The following LRRIQ1 variants were observed in gnomAD, a reference collection of about 807,000 sequenced individuals.
LRRIQ1 encodes the protein leucine-rich repeat- and IQ domain-containing protein 1.
LRRIQ1 carries 210 observed loss-of-function variants against 211.9 expected under a neutral mutation model. The observed-to-expected ratio is 0.99, with a 90% CI of 0.89 to 1.11. The LOEUF is 1.11. LRRIQ1 is among the 50% of genes most tolerant of loss of function. The probability of loss-of-function intolerance (pLI) is 0.00; values close to 1 mark genes in which losing one functional copy is unlikely to be tolerated. For synonymous variants in LRRIQ1, 699 were observed against 650.1 expected (o/e 1.08, Z -1.14); for missense variants, 2,136 against 1,939.5 (o/e 1.10, Z -1.90).
chr12:85,103,210 TAAC>T (rs1449615346), intron 13 of LRRIQ1, among the ~76,000 whole-genome samples: 1 of 150,690 alleles, frequency 6.6e-6, no homozygotes, highest in Non-Finnish European at 1.5e-5. Flanking sequence ...GGGTTTTCGA[TAAC>T]AATTATAACT....
intron 8 of LRRIQ1, among the ~76,000 whole-genome samples, chr12:85,059,452 A>G (rs1413343016): frequency 6.6e-6 from 1 of 152,040 alleles, no homozygotes; most frequent in Non-Finnish European, 1.5e-5. Context: ...CCTCATGATC[A>G]TGTGACTGAC....
intron 24 of LRRIQ1, among the ~76,000 whole-genome samples, chr12:85,174,964 G>T (rs1479445494): frequency 1.3e-5 from 2 of 152,006 alleles, no homozygotes; most frequent in African/African-American, 2.4e-5. Context: ...CAGATCTCTT[G>T]CAATGGGTCA....
chr12:85,193,726 T>C (rs1019058588), intron 24 of LRRIQ1, among the ~76,000 whole-genome samples: 1 of 151,348 alleles, frequency 6.6e-6, no homozygotes, highest in African/African-American at 2.4e-5. Context: ...TCATGCCAAA[T>C]TGTAAAGACC....
downstream of LRRIQ1, among the ~76,000 whole-genome samples, chr12:85,265,827 A>G (rs1234740038): frequency 6.6e-6 from 1 of 152,078 alleles, no homozygotes; most frequent in Non-Finnish European, 1.5e-5. Flanking sequence ...TACAGTTAAC[A>G]TATTTCTGTT....
intron 8 of LRRIQ1, among the ~76,000 whole-genome samples, chr12:85,063,409 G>A (rs1427469203): frequency 6.6e-6 from 1 of 151,412 alleles, no homozygotes; most frequent in Non-Finnish European, 1.5e-5. Context: ...ACTTTTGTGG[G>A]TACATAGTAG....
At chr12:85,195,038 C>G (rs548180682) in intron 24 of LRRIQ1, among the ~76,000 whole-genome samples, 1 of 152,208 alleles carries the variant, frequency 6.6e-6, no homozygotes, top group Non-Finnish European at 1.5e-5. Flanking sequence ...GAGAATACTA[C>G]AAACACCTCT....
intron 24 of LRRIQ1, among the ~76,000 whole-genome samples, chr12:85,225,667 A>G (rs1480973828): frequency 6.6e-6 from 1 of 152,190 alleles, no homozygotes; most frequent in Non-Finnish European, 1.5e-5. Flanking sequence ...CAAGACCCAT[A>G]GAAGTAGCAA....
Position 85,168,295 on chromosome 12 carries a change from C to T in LRRIQ1, c.4822+7581C>T, listed in dbSNP as rs933805960. ...CACAGGGCATGGTAATACTAAGGGA[C>T]ACCCTAAGGGATCTCCTGTCCCACT... On this transcript the variant is annotated intron_variant, in intron 24 of 26. Coordinates refer to ENST00000393217, the MANE Select transcript of LRRIQ1 (RefSeq NM_001079910.2). 2.0e-5 allele frequency among the ~76,000 whole-genome samples: 3 copies of T among 152,220 alleles called. No individual in the cohort carries two copies. In the South Asian group the frequency reaches 6.2e-4, roughly 32 times the overall value.
intron 15 of LRRIQ1, among the ~76,000 whole-genome samples, chr12:85,108,621 CT>C (rs1456178920): frequency 6.6e-6 from 1 of 152,156 alleles, no homozygotes; most frequent in Non-Finnish European, 1.5e-5. Context: ...CATATGTCCA[CT>C]GTGAAATTTT....
chr12:85,238,463 G>GA (rs1356588982), intron 26 of LRRIQ1, among the ~76,000 whole-genome samples: 1 of 151,792 alleles, frequency 6.6e-6, no homozygotes, highest in Non-Finnish European at 1.5e-5. Flanking sequence ...CAACAAGAAA[G>GA]AAAAAAATTT....
intron 16 of LRRIQ1, among the ~76,000 whole-genome samples, chr12:85,123,635 A>G (rs1205835877): frequency 2.0e-5 from 3 of 152,160 alleles, no homozygotes; most frequent in Non-Finnish European, 4.4e-5. Flanking sequence ...AAATTTTCCC[A>G]TAATGTAAGT....
intron 24 of LRRIQ1, among the ~76,000 whole-genome samples, chr12:85,204,642 C>A (rs1032448034): frequency 6.6e-6 from 1 of 152,168 alleles, no homozygotes; most frequent in African/African-American, 2.4e-5. Context: ...GACTGCCCTG[C>A]TGGATTTTGG....
At position 85,047,382 on chromosome 12, in the gene LRRIQ1, A is replaced by G. The variant is rs765059649; in HGVS notation, c.590A>G (p.Glu197Gly). The change falls in exon 6 of 27, where the codon GAA (glutamate) becomes GGA (glycine). Residue 197 changes from glutamate (E) to glycine (G), a missense_variant. By Grantham distance (98) the Glu-to-Gly change is moderately conservative (BLOSUM62 -2). Transcript: ENST00000393217. ...CTCAAAGCTCAGAGGGATAGAGAAGAAAAACAATTTCAAGAAGAAGAAGAA... is the reference window on the plus strand; with the variant it reads ...CTCAAAGCTCAGAGGGATAGAGAAGGAAAACAATTTCAAGAAGAAGAAGAA... The part of the protein sequence containing the change: ...QTLKAQRDRE[E>G]KQFQEEEEKR... 3.1e-6 allele frequency: 5 copies of G among 1,611,188 alleles called. No individual in the cohort carries two copies. In the East Asian group the frequency reaches 1.1e-4, roughly 36 times the overall value.
At chr12:85,066,716 A>G in intron 9 of LRRIQ1, 32 bp from the exon 10 acceptor site, 2 of 1,552,068 alleles carry the variant, frequency 1.3e-6, no homozygotes, top group South Asian at 2.4e-5. Context: ...AGCCATTGAA[A>G]TAAAACTAAT....
intron 10 of LRRIQ1, among the ~76,000 whole-genome samples, chr12:85,071,353 T>C (rs781192239): frequency 4.6e-5 from 7 of 152,118 alleles, no homozygotes; most frequent in South Asian, 2.1e-4. Context: ...CTTAACAACA[T>C]ATTATGGAAC....
intron 24 of LRRIQ1, among the ~76,000 whole-genome samples, chr12:85,176,393 C>T (rs1232079544): frequency 6.6e-6 from 1 of 151,580 alleles, no homozygotes; most frequent in Non-Finnish European, 1.5e-5. Flanking sequence ...GCATATACAC[C>T]ATGGAATACT....
chr12:85,069,765 C>T (rs577023038), intron 10 of LRRIQ1, among the ~76,000 whole-genome samples: 22 of 152,108 alleles, frequency 1.4e-4, no homozygotes, highest in Middle Eastern at 6.8e-3. Context: ...TCATATCCTT[C>T]GCCTACTTTT....
At chr12:85,073,775 A>G (rs1420070684) in intron 11 of LRRIQ1, among the ~76,000 whole-genome samples, 32 of 152,042 alleles carry the variant, frequency 2.1e-4, no homozygotes. Flanking sequence ...TATACATGAG[A>G]AAGTAGATTT....
intron 11 of LRRIQ1, among the ~76,000 whole-genome samples, chr12:85,081,723 C>CTTTTTTTTTTTT (rs766961193): frequency 1.9e-4 from 22 of 113,418 alleles, no homozygotes; most frequent in East Asian, 2.5e-4. Flanking sequence ...TCTTCTTCTT[C>CTTTTTTTTTTTT]TTTTTTTTTT....
Sources: gnomAD v4.1 joint callset for allele counts (sites outside exome capture counted in the v4.1 genomes callset) on GRCh38, gnomAD v4.1.1 for gene constraint, MANE v1.5 for transcripts, NCBI Gene and HGNC (gene_info 2026-07-23, HGNC 2026-07-21) for gene names.